Variants in NAALADL2 observed in about 807,000 individuals in gnomAD.
NAALADL2 encodes the protein inactive N-acetylated-alpha-linked acidic dipeptidase-like protein 2.
A neutral mutation model predicts 87.2 loss-of-function variants in NAALADL2; 76 were observed. That is an observed-to-expected ratio of 0.87 (90% CI 0.72 to 1.05). The LOEUF is 1.05. Among genes scored for constraint, NAALADL2 ranks in the 50% least tolerant of loss-of-function variants. The probability of loss-of-function intolerance (pLI) is 0.00; values close to 1 mark genes in which losing one functional copy is unlikely to be tolerated. For missense variants in NAALADL2, 1,089 were observed against 945.8 expected (o/e 1.15, Z -1.99); for synonymous variants, 354 against 331.0 (o/e 1.07, Z -0.75).
intron 11 of NAALADL2, among the ~76,000 whole-genome samples, chr3:175,662,519 T>C (rs1423122793): frequency 6.6e-6 from 1 of 152,022 alleles, no homozygotes; most frequent in Non-Finnish European, 1.5e-5. Flanking sequence ...GGACTTCCAG[T>C]ACTAAGTTGA....
At position 175,660,063 on chromosome 3, in the gene NAALADL2, T is replaced by C. The variant is rs139651744; in HGVS notation, c.1896+32677T>C. Among the ~76,000 whole-genome samples, 234 of 152,282 alleles carry C rather than the reference T, an allele frequency of 1.5e-3. 1 individual carries two copies. The highest frequency in any genetic ancestry group is 5.2e-3 in the African/African-American group (217 of 41,580). On this transcript the variant is annotated intron_variant, in intron 11 of 13. Coordinates refer to ENST00000454872, the MANE Select transcript of NAALADL2 (RefSeq NM_207015.3). ...ATTTGATCACCGTGGGCTTCAAAAA[T>C]GGTGCTTTCCTGGTATGTCCTCATG... is the stretch of plus-strand genomic sequence containing the variant.
chr3:175,201,383 A>G (rs1375317691), intron 2 of NAALADL2, among the ~76,000 whole-genome samples: 2 of 152,206 alleles, frequency 1.3e-5, no homozygotes, highest in Non-Finnish European at 2.9e-5. Context: ...TGTTCCAACT[A>G]CTTATTGATC....
At chr3:174,942,059 A>T (rs1206295153) in intron 1 of NAALADL2, among the ~76,000 whole-genome samples, 1 of 152,052 alleles carries the variant, frequency 6.6e-6, no homozygotes, top group Non-Finnish European at 1.5e-5. Context: ...TTAGCTGGTT[A>T]TTATGTTGGC....
At chr3:175,134,432 TG>T (rs66942164) in intron 2 of NAALADL2, among the ~76,000 whole-genome samples, 36,729 of 151,996 alleles carry the variant, frequency 0.24, 5,140 homozygotes, top group African/African-American at 0.39. Flanking sequence ...TCAGCTTTTT[TG>T]GGGGGGTCCT....
intron 2 of NAALADL2, among the ~76,000 whole-genome samples, chr3:175,192,018 T>A (rs1738281689): frequency 6.6e-6 from 1 of 152,138 alleles, no homozygotes; most frequent in Non-Finnish European, 1.5e-5. Flanking sequence ...AGCCTGAAAG[T>A]GGCAGTTAGC....
intron 2 of NAALADL2, among the ~76,000 whole-genome samples, chr3:175,214,820 C>T (rs932729217): frequency 6.6e-6 from 1 of 152,086 alleles, no homozygotes; most frequent in African/African-American, 2.4e-5. Context: ...ACAGCCCTAA[C>T]CATTAGGGTC....
intron 1 of NAALADL2, among the ~76,000 whole-genome samples, chr3:174,870,618 A>G (rs1352361379): frequency 6.6e-6 from 1 of 152,068 alleles, no homozygotes; most frequent in Non-Finnish European, 1.5e-5. Flanking sequence ...TTAGCCATTT[A>G]GTAAATGCCA....
At chr3:174,882,798 C>T (rs1341328064) in intron 1 of NAALADL2, among the ~76,000 whole-genome samples, 1 of 102,170 alleles carries the variant, frequency 9.8e-6, no homozygotes, top group South Asian at 3.1e-4. Flanking sequence ...TATATATACA[C>T]GTGTGTATAT....
intron 1 of NAALADL2, among the ~76,000 whole-genome samples, chr3:175,074,667 T>C (rs1229826145): frequency 1.3e-5 from 2 of 152,070 alleles, no homozygotes; most frequent in Non-Finnish European, 2.9e-5. Flanking sequence ...AAAAATAGTC[T>C]TTGTCTTTTA....
intron 9 of NAALADL2, among the ~76,000 whole-genome samples, chr3:175,558,180 G>A (rs1340314073): frequency 2.7e-5 from 3 of 110,436 alleles, no homozygotes; most frequent in African/African-American, 1.1e-4. Flanking sequence ...GGGCAACACA[G>A]CAAGACCCCG....
At chr3:174,690,460 C>T (rs893566650) in intron 2 of NAALADL2, among the ~76,000 whole-genome samples, 2 of 152,094 alleles carry the variant, frequency 1.3e-5, no homozygotes, top group Non-Finnish European at 2.9e-5. Context: ...TGGTCTCTTT[C>T]CATTACCTAG....
At chr3:175,263,533 AT>A (rs1751436063) in intron 4 of NAALADL2, among the ~76,000 whole-genome samples, 3 of 151,918 alleles carry the variant, frequency 2.0e-5, no homozygotes, top group Admixed American at 2.0e-4. Context: ...CCATTTGAAA[AT>A]TACGACATCA....
intron 2 of NAALADL2, among the ~76,000 whole-genome samples, chr3:174,711,483 A>T (rs956255161): frequency 6.6e-6 from 1 of 152,204 alleles, no homozygotes; most frequent in Non-Finnish European, 1.5e-5. Context: ...TAGATTTTCT[A>T]TTTCCAGGAA....
intron 5 of NAALADL2, among the ~76,000 whole-genome samples, chr3:175,364,515 C>A (rs1765353255): frequency 6.8e-6 from 1 of 147,490 alleles, no homozygotes; most frequent in Non-Finnish European, 1.5e-5. Context: ...TTTTTAAATT[C>A]TTGTTTAAAT....
At chr3:175,705,201 C>T (rs1242492069) in intron 11 of NAALADL2, among the ~76,000 whole-genome samples, 1 of 151,892 alleles carries the variant, frequency 6.6e-6, no homozygotes, top group Non-Finnish European at 1.5e-5. Context: ...CTGTAGGGTT[C>T]ATTTTATCCT....
chr3:175,581,226 G>T, intron 10 of NAALADL2: 1 of 303,780 alleles, frequency 3.3e-6, no homozygotes, highest in Non-Finnish European at 6.8e-6. Flanking sequence ...AGGATCACCG[G>T]AGGTCAGGAG....
chr3:175,789,579 G>GAACATTCATT (rs1397923499), intron 13 of NAALADL2, among the ~76,000 whole-genome samples: 1 of 152,120 alleles, frequency 6.6e-6, no homozygotes, highest in Non-Finnish European at 1.5e-5. Context: ...ATGCCTGCCA[G>GAACATTCATT]AACATTCATT....
exon 1 of NAALADL2, chr3:174,441,007 G>A (rs1714556056): frequency 6.6e-6 from 1 of 152,112 alleles, no homozygotes; most frequent in South Asian, 2.1e-4. Flanking sequence ...CCGTACCGCA[G>A]ACGAGCCCGC....
At chr3:174,909,874 GC>G (rs778374293) in intron 1 of NAALADL2, among the ~76,000 whole-genome samples, 33 of 152,136 alleles carry the variant, frequency 2.2e-4, no homozygotes, top group Middle Eastern at 3.4e-3. Context: ...GGCAAGAAAT[GC>G]ACAATTGTAA....
Sources: allele counts gnomAD v4.1 joint callset (sites outside exome capture counted in the v4.1 genomes callset), GRCh38; gene constraint gnomAD v4.1.1; transcripts MANE v1.5; gene names NCBI Gene and HGNC (gene_info 2026-07-23, HGNC 2026-07-21).